C20orf203: variants seen among roughly 807,000 people sequenced by gnomAD.
The protein encoded by C20orf203 is uncharacterized protein C20orf203.
Under a neutral mutation model 15.9 loss-of-function variants are expected in C20orf203, and 16 were observed. That is an observed-to-expected ratio of 1.01 (90% CI 0.68 to 1.53). The LOEUF is 1.53. Ranked by LOEUF, C20orf203 falls within the 40% of genes most tolerant of loss-of-function variation. C20orf203 has a pLI of 0.00. For synonymous variants in C20orf203, 98 were observed against 97.2 expected, an observed-to-expected ratio of 1.01 and a Z score of -0.05; for missense variants, 263 against 247.5, an observed-to-expected ratio of 1.06 and a Z score of -0.42.
chr20:32,665,508 T>C (rs996225131), intron 1 of C20orf203, among the ~76,000 whole-genome samples: 22 of 151,680 alleles, frequency 1.5e-4, no homozygotes, highest in Admixed American at 2.6e-4. Context: ...CTGTAGGAGG[T>C]GGGAGGGAGA....
intron 5 of C20orf203, among the ~76,000 whole-genome samples, chr20:32,636,902 A>G (rs771867090): frequency 3.0e-4 from 45 of 152,248 alleles, no homozygotes; most frequent in Non-Finnish European, 6.0e-4. Context: ...GCCTGGGCAA[A>G]CCAAGAGGAC....
intron 1 of C20orf203, among the ~76,000 whole-genome samples, chr20:32,670,242 C>T (rs140421391): frequency 0.021 from 3,157 of 151,272 alleles, 118 homozygotes; most frequent in African/African-American, 0.072. Flanking sequence ...CGGTGGCTCA[C>T]GCCTGTAATC....
At chr20:32,638,765 C>T (rs954925626) in intron 5 of C20orf203, among the ~76,000 whole-genome samples, 3 of 152,258 alleles carry the variant, frequency 2.0e-5, no homozygotes, top group African/African-American at 7.2e-5. Flanking sequence ...GACCACCTGT[C>T]TCCAGGCCTC....
chr20:32,666,797 TTATATATA>T (rs34933326), intron 1 of C20orf203, among the ~76,000 whole-genome samples: 2,453 of 65,624 alleles, frequency 0.037, 228 homozygotes, highest in African/African-American at 0.1. Flanking sequence ...TAATTTTAAT[TTATATATA>T]TATATATATA....
intron 5 of C20orf203, 88 bp downstream of exon 5, chr20:32,640,478 G>C (rs1368848504): frequency 6.6e-6 from 1 of 152,056 alleles, no homozygotes; most frequent in African/African-American, 2.4e-5. Context: ...GATCACTTGA[G>C]GTAAAGAGTT....
chr20:32,652,301 C>T (rs146634435), intron 1 of C20orf203, among the ~76,000 whole-genome samples: 5 of 115,748 alleles, frequency 4.3e-5, no homozygotes, highest in South Asian at 2.7e-4. Context: ...TCAGCCTGGG[C>T]GACAGAGCAA....
chr20:32,667,556 C>T lies in C20orf203; in HGVS notation c.-264+6076G>A, dbSNP rs1011506977. On this transcript the variant is annotated intron_variant, in intron 1 of 5. Coordinates refer to ENST00000608990, the MANE Select transcript of C20orf203 (RefSeq NM_182584.4). ...TGCCTTCCTTCCAGGAAGAGATCTGCGCAGTTGCTACTTAACAAAGCCTAG... is the reference window on the plus strand; with the variant it reads ...TGCCTTCCTTCCAGGAAGAGATCTGTGCAGTTGCTACTTAACAAAGCCTAG... 3.9e-5 allele frequency among the ~76,000 whole-genome samples: 6 copies of T among 152,330 alleles called. No individual in the cohort carries two copies. The East Asian group carries it at 7.7e-4, about 20-fold the overall frequency.
Position 32,651,021 on chromosome 20 carries a change from G to A in C20orf203, c.132C>T (p.Ser44=). ...SFPFTKTGML[S]RATSVLAGLT... is the part of the protein sequence containing the mutation. ...AGACAGGGACAGCACTTCTTACCCG[G>A]CTCAGCATTCCAGTTTTTGTAAAGG... Residue 44 remains serine, a synonymous_variant, in exon 3 of 6, where the codon AGC becomes AGT. Coordinates refer to ENST00000608990, the MANE Select transcript of C20orf203 (RefSeq NM_182584.4). The A allele has an allele frequency of 6.7e-7, 1 of 1,491,360 alleles. No individual in the cohort carries two copies. The highest frequency in any genetic ancestry group is 1.3e-5 in the South Asian group (1 of 74,510). The allele number at this position is 1,491,360 out of a possible 1,614,324, so 92.4% of individuals were successfully genotyped here.
intron 5 of C20orf203, among the ~76,000 whole-genome samples, chr20:32,636,839 C>T (rs951345621): frequency 6.6e-5 from 10 of 152,210 alleles, no homozygotes; most frequent in Admixed American, 4.6e-4. Context: ...TCCTGGTCTG[C>T]CCAGGACTGC....
chr20:32,668,886 G>A (rs999521798), intron 1 of C20orf203, among the ~76,000 whole-genome samples: 19 of 152,134 alleles, frequency 1.2e-4, no homozygotes, highest in African/African-American at 3.4e-4. Context: ...AACTGAATTT[G>A]CTGGTTGTCC....
At chr20:32,660,378 T>C (rs1346523228) in intron 1 of C20orf203, among the ~76,000 whole-genome samples, 2 of 152,142 alleles carry the variant, frequency 1.3e-5, no homozygotes, top group Admixed American at 6.5e-5. Context: ...CCTCAGCCAG[T>C]CCAGGCCCGA....
At position 32,652,589 on chromosome 20, in the gene C20orf203, G is replaced by A. The variant is rs79119792; in HGVS notation, c.-263-608C>T. 2.2e-3 allele frequency among the ~76,000 whole-genome samples: 342 copies of A among 152,126 alleles called. 3 individuals carry two copies. In the East Asian group the frequency reaches 0.024, roughly 11 times the overall value. On this transcript the variant is annotated intron_variant, in intron 1 of 5. Transcript: ENST00000608990. ...TGACCTCTGTGATTCCTGCTTCGAA[G>A]GTTCTGGGATCTATCCTGGAGGTAT...
intron 1 of C20orf203, among the ~76,000 whole-genome samples, chr20:32,663,103 C>A (rs935099723): frequency 8.6e-5 from 13 of 151,890 alleles, no homozygotes; most frequent in Non-Finnish European, 1.5e-4. Flanking sequence ...CGCCCACCAC[C>A]ATGCCCGGCT....
chr20:32,633,784 C>T lies in C20orf203; in HGVS notation c.*1786G>A. 1 of 367,462 alleles carries T rather than the reference C, an allele frequency of 2.7e-6. No homozygotes were observed. The highest frequency in any genetic ancestry group is 4.6e-5 in the Admixed American group (1 of 21,578). 22.8% of individuals were successfully genotyped at this position (367,462 alleles called of 1,614,324 possible). A position where few individuals can be genotyped will look rare whatever the true frequency, so the allele number is the denominator to read the frequency against. ...TCCTCCGGCCAGTCGCCCTGACAGC[C>T]CCCTCACCGCGTTGCACTACCTGGT... On this transcript the variant is annotated 3_prime_UTR_variant, in exon 6 of 6. Transcript: ENST00000608990.
In C20orf203 at chr20:32,646,204, AAGTCTCGCTCGATCTTTTTGTTGAGACAG is replaced by A. The variant is rs1982427558; in HGVS notation, c.*1177+3022_*1177+3050del. ...TTTTTTTTTTTTTTTTTTTGAGACA[AAGTCTCGCTCGATCTTTTTGTTGAGACAG>A]AGTCTCGCTCGATTTTTTGAGACAG... On this transcript the variant is annotated intron_variant, in intron 4 of 5. Transcript: ENST00000608990. Among the ~76,000 whole-genome samples, 12 of 143,762 alleles carry A rather than the reference AAGTCTCGCTCGATCTTTTTGTTGAGACAG, an allele frequency of 8.3e-5. No homozygotes were observed. The South Asian group carries it at 2.7e-3, about 32-fold the overall frequency. The allele number at this position is 143,762 out of a possible 152,430, so 94.3% of individuals were successfully genotyped here.
At chr20:32,672,573 C>CA (rs11481370) in intron 1 of C20orf203, among the ~76,000 whole-genome samples, 74,003 of 143,808 alleles carry the variant, frequency 0.51, 19,826 homozygotes, top group Middle Eastern at 0.66. Context: ...ACAATATCTC[C>CA]AAAAAAAAAA....
At chr20:32,645,844 G>A (rs1431589465) in intron 4 of C20orf203, among the ~76,000 whole-genome samples, 1 of 152,202 alleles carries the variant, frequency 6.6e-6, no homozygotes, top group African/African-American at 2.4e-5. Flanking sequence ...CTCCAGAGTT[G>A]GGGACCTTTT....
At chr20:32,634,358 A>T (rs982387913) in intron 5 of C20orf203, 88 bp from the exon 6 acceptor site, 3 of 396,974 alleles carry the variant, frequency 7.6e-6, no homozygotes, top group Non-Finnish European at 1.3e-5. Flanking sequence ...GGTGGAAGAC[A>T]GCGTGAGACA....
rs987871549 is a variant in C20orf203, at chr20:32,650,555, C to T, written c.462G>A (p.Ser154=). ...GGAAACATGTTGAGGTCCAGGCCAG[C>T]GAGGACAGAGCTTGGCCAAAGTCCC... is the stretch of plus-strand genomic sequence containing the variant. The part of the protein sequence containing the change: ...TVGDFGQALS[S]LAWTSTCFQD... Residue 154 remains serine (S), a synonymous_variant, in exon 4 of 6, where the codon TCG becomes TCA. Transcript: ENST00000608990. 47 of 1,548,892 alleles carry T rather than the reference C, an allele frequency of 3.0e-5. No individual in the cohort carries two copies. In the East Asian group the frequency reaches 8.6e-4, roughly 28 times the overall value.
Sources: gnomAD v4.1 joint callset for allele counts (sites outside exome capture counted in the v4.1 genomes callset) on GRCh38, gnomAD v4.1.1 for gene constraint, MANE v1.5 for transcripts, NCBI Gene and HGNC (gene_info 2026-07-23, HGNC 2026-07-21) for gene names.